Variants in PAK2 observed in about 807,000 individuals in gnomAD.
The protein encoded by PAK2 is p21 (RAC1) activated kinase 2.
In PAK2, 21 loss-of-function variants were observed where a neutral mutation model predicts 65.9. That is an observed-to-expected ratio of 0.32 (90% CI 0.23 to 0.46). The LOEUF is 0.46. Ranked by LOEUF, PAK2 falls within the 20% of genes least tolerant of loss-of-function variation. PAK2 has a pLI of 1.00. For missense variants in PAK2, 324 were observed against 642.6 expected (o/e 0.50, Z 5.36); for synonymous variants, 204 against 219.7 (o/e 0.93, Z 0.63).
intron 1 of PAK2, among the ~76,000 whole-genome samples, chr3:196,753,144 A>C (rs1713662730): frequency 1.3e-5 from 2 of 151,168 alleles, no homozygotes; most frequent in Admixed American, 6.6e-5. Flanking sequence ...TTTTTAGTAG[A>C]GACGAGGTTT....
intron 1 of PAK2, among the ~76,000 whole-genome samples, chr3:196,745,718 G>T (rs1713352647): frequency 6.6e-6 from 1 of 151,836 alleles, no homozygotes; most frequent in African/African-American, 2.4e-5. Flanking sequence ...GGAGGCTGAG[G>T]CAGGAGAATT....
intron 1 of PAK2, among the ~76,000 whole-genome samples, chr3:196,763,125 T>C (rs980911432): frequency 8.5e-5 from 13 of 152,080 alleles, no homozygotes; most frequent in Admixed American, 1.3e-4. Flanking sequence ...CCAGACCTTA[T>C]TGGAGAGAGC....
chr3:196,813,690 G>A (rs866271456), intron 10 of PAK2, among the ~76,000 whole-genome samples: 3 of 152,018 alleles, frequency 2.0e-5, no homozygotes, highest in South Asian at 2.1e-4. Context: ...GGTAGCTCAC[G>A]CCTGTAATCC....
intron 13 of PAK2, among the ~76,000 whole-genome samples, chr3:196,825,088 G>A (rs1224351645): frequency 6.6e-6 from 1 of 152,200 alleles, no homozygotes; most frequent in Non-Finnish European, 1.5e-5. Flanking sequence ...GCTCATGCCT[G>A]TAATACCAGC....
intron 2 of PAK2, among the ~76,000 whole-genome samples, chr3:196,783,351 A>G (rs1472126116): frequency 2.0e-5 from 3 of 152,146 alleles, no homozygotes; most frequent in Admixed American, 6.6e-5. Context: ...CAACCTCAAC[A>G]CTATTGACAT....
intron 13 of PAK2, among the ~76,000 whole-genome samples, chr3:196,822,688 G>T (rs1188530743): frequency 1.3e-5 from 2 of 151,944 alleles, no homozygotes; most frequent in East Asian, 3.8e-4. Context: ...TGACGGCTAG[G>T]ACCTGTCTCA....
At chr3:196,795,902 G>A (rs890153128) in intron 2 of PAK2, among the ~76,000 whole-genome samples, 5 of 152,172 alleles carry the variant, frequency 3.3e-5, no homozygotes, top group Admixed American at 6.6e-5. Context: ...TTGGTTTCGC[G>A]GAAGGTAGTT....
rs185562424 is a variant in PAK2, at chr3:196,808,256, G to A, written c.709+342G>A. Among the ~76,000 whole-genome samples, 11 of 151,674 alleles carry A rather than the reference G, an allele frequency of 7.3e-5. No individual in the cohort carries two copies. The East Asian group carries it at 2.1e-3, about 29-fold the overall frequency. Reference sequence around the variant, plus strand: ...CACTTGAACCCAGGAGGTGGAGGTTGCAGTGAGCCAAGATTGCGTCGTTGG... The same window carrying A: ...CACTTGAACCCAGGAGGTGGAGGTTACAGTGAGCCAAGATTGCGTCGTTGG... On this transcript the variant is annotated intron_variant, in intron 7 of 14. Transcript: ENST00000327134.
At chr3:196,804,844 TACAC>T (rs1411928226) in intron 4 of PAK2, among the ~76,000 whole-genome samples, 1 of 113,612 alleles carries the variant, frequency 8.8e-6, no homozygotes, top group Non-Finnish European at 1.9e-5. Flanking sequence ...TATATATATA[TACAC>T]ACACACATAT....
intron 2 of PAK2, among the ~76,000 whole-genome samples, chr3:196,792,904 T>C (rs1369230107): frequency 6.6e-6 from 1 of 151,896 alleles, no homozygotes; most frequent in Non-Finnish European, 1.5e-5. Flanking sequence ...GCAGAAGTGG[T>C]GGAAAATTGG....
At chr3:196,813,468 A>G (rs899188060) in intron 10 of PAK2, among the ~76,000 whole-genome samples, 13 of 151,768 alleles carry the variant, frequency 8.6e-5, no homozygotes, top group African/African-American at 2.9e-4. Context: ...AAAAAAAAAA[A>G]AAAAGAAAAG....
At chr3:196,762,042 T>C in intron 1 of PAK2, among the ~76,000 whole-genome samples, 1 of 119,780 alleles carries the variant, frequency 8.3e-6, no homozygotes, top group Admixed American at 8.3e-5. Context: ...GCAGAGACGC[T>C]CCTCACCTCC....
At chr3:196,789,482 C>CTTTTTCT (rs1714997583) in intron 2 of PAK2, among the ~76,000 whole-genome samples, 1 of 150,462 alleles carries the variant, frequency 6.6e-6, no homozygotes, top group African/African-American at 2.5e-5. Flanking sequence ...TTTCTTTTTT[C>CTTTTTCT]TTTTTTGTTT....
intron 1 of PAK2, among the ~76,000 whole-genome samples, chr3:196,748,299 A>G (rs1713458831): frequency 6.6e-6 from 1 of 152,158 alleles, no homozygotes; most frequent in Non-Finnish European, 1.5e-5. Context: ...TCACTGTGGT[A>G]TATTTGGCAC....
intron 1 of PAK2, among the ~76,000 whole-genome samples, chr3:196,759,499 T>TTTTG (rs1713884419): frequency 1.3e-4 from 1 of 7,532 alleles, no homozygotes; most frequent in African/African-American, 3.6e-4. Flanking sequence ...GTTTTTTTTG[T>TTTTG]TTTTTTTTTT....
intron 4 of PAK2, among the ~76,000 whole-genome samples, chr3:196,804,018 T>C (rs1157124640): frequency 1.3e-5 from 2 of 152,222 alleles, no homozygotes; most frequent in African/African-American, 2.4e-5. Context: ...TGCTGTCTTT[T>C]CTTGACGTTT....
intron 2 of PAK2, among the ~76,000 whole-genome samples, chr3:196,795,142 A>C (rs1007781259): frequency 6.6e-6 from 1 of 152,112 alleles, no homozygotes. Flanking sequence ...ACCAAGGCTT[A>C]CTGTAATCAA....
At position 196,810,635 on chromosome 3, in the gene PAK2, A is replaced by C. The variant is rs1318689461; in HGVS notation, c.755A>C (p.Tyr252Ser). ...IGDPKKKYTR[Y>S]EKIGQGASGT... ...GACCCTAAGAAAAAATATACAAGAT[A>C]TGAAAAAATTGGACAAGGGTAAGTA... The change falls in exon 8 of 15, where the codon TAT becomes TCT. Residue 252 changes from tyrosine to serine, a missense_variant. This residue lies in a region of PAK2 where 183 missense variants were observed against 246.2 expected (regional missense o/e 0.74). Coordinates refer to ENST00000327134, the MANE Select transcript of PAK2 (RefSeq NM_002577.4). The C allele has an allele frequency of 6.5e-7, 1 of 1,533,250 alleles. No homozygotes were observed. Among genetic ancestry groups the C allele is most frequent in the Non-Finnish European group, 9.0e-7 (1 of 1,107,272 alleles). The allele number at this position is 1,533,250 out of a possible 1,614,324, so 95.0% of individuals were successfully genotyped here.
Position 196,818,136 on chromosome 3 carries a change from TG to T in PAK2, c.1135del (p.Glu379LysfsTer59). On this transcript the variant is annotated frameshift_variant, in exon 12 of 15. Coordinates refer to ENST00000327134, the MANE Select transcript of PAK2 (RefSeq NM_002577.4). LOFTEE classifies it high-confidence loss of function. ...AAAAGTGACAATGTACTTTTGGGAA[TG>T]GAAGGATCTGTTAAGCTCAGTGAGT... ...DIKSDNVLLG[M>X]EGSVKLTDFG... 7.4e-7 allele frequency: 1 copy of T among 1,360,442 alleles called. No homozygotes were observed. Among genetic ancestry groups the T allele is most frequent in the Non-Finnish European group, 1.1e-6 (1 of 949,234 alleles). 84.3% of individuals were successfully genotyped at this position (1,360,442 alleles called of 1,614,324 possible). A position where few individuals can be genotyped will look rare whatever the true frequency, so the allele number is the denominator to read the frequency against.
Sources: gnomAD v4.1 joint callset for allele counts (sites outside exome capture counted in the v4.1 genomes callset) on GRCh38, gnomAD v4.1.1 for gene constraint, gnomAD v4.1.1 regional missense constraint, MANE v1.5 for transcripts, NCBI Gene and HGNC (gene_info 2026-07-23, HGNC 2026-07-21) for gene names.